Variants in MUC4 observed in about 807,000 individuals in gnomAD.
The protein encoded by MUC4 is mucin 4, cell surface associated.
MUC4 carries 202 observed loss-of-function variants against 257.9 expected under a neutral mutation model. That is an observed-to-expected ratio of 0.78 (90% CI 0.70 to 0.88). MUC4 has a LOEUF of 0.88. Among genes scored for constraint, MUC4 ranks in the 40% least tolerant of loss-of-function variants. The pLI, the probability that MUC4 is intolerant of heterozygous loss-of-function variation, is 0.00. For missense variants in MUC4, 5,976 were observed against 6,513.7 expected (o/e 0.92, Z 2.84); for synonymous variants, 2,351 against 2,757.1 (o/e 0.85, Z 4.62).
rs771914937 is a variant in MUC4 at position 195,751,098 on chromosome 3, G to A, written c.15662C>T (p.Pro5221Leu). The change falls in exon 23 of 25, where the codon CCG becomes CTG. Residue 5221 changes from proline (P) to leucine (L), a missense_variant. Pro to Leu is a moderately conservative substitution (Grantham distance 98). Transcript: ENST00000463781. Reference protein sequence around the residue: ...SQVERIDSAAPASGSPIQHWM... With the variant: ...SQVERIDSAALASGSPIQHWM... The stretch of plus-strand genomic sequence containing the variant: ...GTGTTGGATGGGGCTTCCCGAGGCC[G>A]GTGCTGCAGAATCGCTGTGTGGGAG... 47 of 1,598,354 alleles carry A rather than the reference G, an allele frequency of 2.9e-5. No homozygotes were observed. The highest frequency in any genetic ancestry group is 6.7e-5 in the East Asian group (3 of 44,752).
rs772175757 is a variant in MUC4, at chr3:195,783,992, G to A, written c.7588C>T (p.Pro2530Ser). Residue 2530 changes from proline (P) to serine (S), a missense_variant, in exon 2 of 25, where the codon CCT becomes TCT. By Grantham distance (74) the Pro-to-Ser change is moderately conservative. Around this residue, in one of 44 missense-constraint regions of MUC4, gnomAD observed 135 missense variants for 114.7 expected, o/e 1.18. Transcript: ENST00000463781. ...SASTGDTTPL[P>S]VTNASSLSTR... ...GATAATGAGGAAGCATTGGTGACAG[G>A]AAGAGGGGTGGTGTCACCTGTGGAT... The A allele has an allele frequency of 2.0e-6, 3 of 1,531,126 alleles. No individual in the cohort carries two copies. Among genetic ancestry groups the A allele is most frequent in the Middle Eastern group, 2.1e-4 (1 of 4,658 alleles). The allele number at this position is 1,531,126 out of a possible 1,614,324, so 94.8% of individuals were successfully genotyped here. A position where few individuals can be genotyped will look rare whatever the true frequency, so the allele number is the denominator to read the frequency against.
chr3:195,770,250 T>G lies in MUC4; in HGVS notation c.13364A>C (p.Asn4455Thr). 6.2e-7 allele frequency: 1 copy of G among 1,613,472 alleles called. No individual in the cohort carries two copies. The highest frequency in any genetic ancestry group is 8.5e-7 in the Non-Finnish European group (1 of 1,179,780). Residue 4455 changes from asparagine to threonine, a missense_variant, in exon 6 of 25, where the codon AAT becomes ACT. Transcript: ENST00000463781. Reference sequence around the variant, plus strand: ...CCACTGGGCAGGATAGGCGTGGGCATTGACCCACGTGACCTTTAGGGCCCA... The same window carrying G: ...CCACTGGGCAGGATAGGCGTGGGCAGTGACCCACGTGACCTTTAGGGCCCA... The part of the protein sequence containing the change: ...ARWALKVTWV[N>T]AHAYPAQWTL...
At chr3:195,760,035 A>G (rs995523922) in intron 16 of MUC4, among the ~76,000 whole-genome samples, 2 of 150,968 alleles carry the variant, frequency 1.3e-5, no homozygotes, top group Non-Finnish European at 3.0e-5. Flanking sequence ...GAGCCCTGCC[A>G]TTTCCATTTC....
Position 195,783,667 on chromosome 3 carries a change from G to A in MUC4, c.7913C>T (p.Ala2638Val), listed in dbSNP as rs1235784640. 3 of 379,522 alleles carry A rather than the reference G, an allele frequency of 7.9e-6. 1 individual carries two copies. The highest frequency in any genetic ancestry group is 9.1e-6 in the Non-Finnish European group (2 of 219,460). 23.5% of individuals were successfully genotyped at this position (379,522 alleles called of 1,614,324 possible). Residue 2638 changes from alanine (A) to valine (V), a missense_variant, in exon 2 of 25, where the codon GCC becomes GTC. Ala to Val is a moderately conservative substitution (Grantham distance 64). Around this residue, in one of 44 missense-constraint regions of MUC4, gnomAD observed 75 missense variants for 58.7 expected, o/e 1.28. Transcript: ENST00000463781. ...TSPSSASTGH[A>V]TPLLVTDASS... ...AGCGTCGGTGACAAGAAGAGGAGTG[G>A]CGTGACCTGTGGATGCTGAGGAAGG...
chr3:195,788,493 G>C lies in MUC4; in HGVS notation c.3087C>G (p.Asp1029Glu). 1 of 1,544,544 alleles carries C rather than the reference G, an allele frequency of 6.5e-7. No homozygotes were observed. The highest frequency in any genetic ancestry group is 1.2e-5 in the South Asian group (1 of 83,852). Reference sequence around the variant, plus strand: ...CGTGACCTGTGGATTCTGAGGAAGTGTCGGTGACAGGAAGAGGGGTGGTGT... The same window carrying C: ...CGTGACCTGTGGATTCTGAGGAAGTCTCGGTGACAGGAAGAGGGGTGGTGT... ...TGHTTPLPVT[D>E]TSSESTGHVT... Residue 1029 changes from aspartate (D) to glutamate (E), a missense_variant, in exon 2 of 25, where the codon GAC becomes GAG. Transcript: ENST00000463781.
Position 195,757,233 on chromosome 3 carries a change from G to A in MUC4, c.15082C>T (p.Gln5028Ter). 6.2e-7 allele frequency: 1 copy of A among 1,613,740 alleles called. No individual in the cohort carries two copies. Among genetic ancestry groups the A allele is most frequent in the Non-Finnish European group, 8.5e-7 (1 of 1,179,652 alleles). The change falls in exon 18 of 25, where the codon CAG (glutamine) becomes TAG (stop). Residue 5028 changes from glutamine to a stop codon, truncating the protein, a stop_gained. Coordinates refer to ENST00000463781, the MANE Select transcript of MUC4 (RefSeq NM_018406.7). LOFTEE classifies it high-confidence loss of function. This position sits in a 1 kb window ranked among gnomAD's most constrained non-coding sequence, Gnocchi z 4.8. ...CAATGGCAGACCACAGTCCTGGGCT[G>A]GAGTGCAGATGCCAAGCCAATCTTG... is the stretch of plus-strand genomic sequence containing the variant. ...SAKIGLASAL[Q>*]PRTVVCHCNA...
intron 16 of MUC4, among the ~76,000 whole-genome samples, chr3:195,759,715 T>C (rs1718381813): frequency 6.6e-6 from 1 of 151,850 alleles, no homozygotes; most frequent in Middle Eastern, 3.2e-3. Flanking sequence ...AGGTCAGGAG[T>C]TCGCGACCAG....
chr3:195,751,612 A>C, intron 21 of MUC4: 2 of 394,758 alleles, frequency 5.1e-6, no homozygotes, highest in East Asian at 4.7e-5. Context: ...TGGGTTGTTT[A>C]GACCTAGGAG....
intron 4 of MUC4, among the ~76,000 whole-genome samples, chr3:195,773,898 G>T (rs562346478): frequency 6.6e-6 from 1 of 152,368 alleles, no homozygotes; most frequent in East Asian, 1.9e-4. Context: ...AATCCCAGAA[G>T]GTGGAAACGG....
In MUC4 at chr3:195,791,158, G is replaced by T; in HGVS notation, c.422C>A (p.Thr141Lys). ...TCCAAGAGTGGAGTCTGTGGAGGTT[G>T]TCATTGTTATAGTCTTTGATGTCAT... is the stretch of plus-strand genomic sequence containing the variant. Reference protein sequence around the residue: ...LMMTSKTITMTTSTDSTLGNT... With the variant: ...LMMTSKTITMKTSTDSTLGNT... Residue 141 changes from threonine to lysine, a missense_variant, in exon 2 of 25, where the codon ACA becomes AAA. This residue lies in a region of MUC4 where 1,583 missense variants were observed against 1,257.4 expected (regional missense o/e 1.26). Coordinates refer to ENST00000463781, the MANE Select transcript of MUC4 (RefSeq NM_018406.7). 6.2e-7 allele frequency: 1 copy of T among 1,613,944 alleles called. No homozygotes were observed. The highest frequency in any genetic ancestry group is 8.5e-7 in the Non-Finnish European group (1 of 1,179,894).
At chr3:195,756,234 C>T (rs1717620946) in intron 18 of MUC4, among the ~76,000 whole-genome samples, 1 of 152,172 alleles carries the variant, frequency 6.6e-6, no homozygotes, top group Non-Finnish European at 1.5e-5. Context: ...GAAAAGGTGT[C>T]CTGTGTCTGA....
At chr3:195,756,593 C>T (rs1717693457) in intron 18 of MUC4, among the ~76,000 whole-genome samples, 1 of 146,758 alleles carries the variant, frequency 6.8e-6, no homozygotes, top group African/African-American at 2.5e-5. Flanking sequence ...TTCTCCTTTC[C>T]CTTTCTTTCC....
chr3:195,789,323 C>T lies in MUC4; in HGVS notation c.2257G>A (p.Gly753Arg), dbSNP rs1303853210. ...SVVSTPGGPE[G>R]QWTSASASTS... ...CTGGCAGAGGCTGATGTCCATTGTC[C>T]TTCTGGGCCCCCTGGTGTTGACACT... The change falls in exon 2 of 25, where the codon GGA (glycine) becomes AGA (arginine). Residue 753 changes from glycine (G) to arginine (R), a missense_variant. By Grantham distance (125) the Gly-to-Arg change is moderately radical. Around this residue, in one of 44 missense-constraint regions of MUC4, gnomAD observed 1,583 missense variants for 1,257.4 expected, o/e 1.26. Coordinates refer to ENST00000463781, the MANE Select transcript of MUC4 (RefSeq NM_018406.7). The T allele has an allele frequency of 5.6e-6, 9 of 1,613,806 alleles. No homozygotes were observed. The highest frequency in any genetic ancestry group is 7.6e-6 in the Non-Finnish European group (9 of 1,179,888).
chr3:195,752,345 C>A lies in MUC4; in HGVS notation c.15582+28G>T. On this transcript the variant is annotated intron_variant, in intron 21 of 24. Transcript: ENST00000463781. ...CCTGAACCCGCCAAGCGCCCCCTCC[C>A]ACCCAGAGCGCGGCCTGCAGCACTG... 4 of 1,594,736 alleles carry A rather than the reference C, an allele frequency of 2.5e-6. No individual in the cohort carries two copies. In the South Asian group the frequency reaches 3.3e-5, roughly 13 times the overall value.
Position 195,778,868 on chromosome 3 carries a change from C to G in MUC4, c.12712G>C (p.Ala4238Pro). 8 of 1,509,132 alleles carry G rather than the reference C, an allele frequency of 5.3e-6. No homozygotes were observed. Among genetic ancestry groups the G allele is most frequent in the Non-Finnish European group, 7.0e-6 (8 of 1,143,088 alleles). The allele number at this position is 1,509,132 out of a possible 1,614,324, so 93.5% of individuals were successfully genotyped here. A position where few individuals can be genotyped will look rare whatever the true frequency, so the allele number is the denominator to read the frequency against. ...GCACTGCTGACAGCAAGAGGGGTGG[C>G]GTGACCTGTGGATACTGAGGAAAGG... Reference protein sequence around the residue: ...TSLSSVSTGHATPLAVSSATS... With the variant: ...TSLSSVSTGHPTPLAVSSATS... The change falls in exon 2 of 25, where the codon GCC (alanine) becomes CCC (proline). Residue 4238 changes from alanine to proline, a missense_variant. By Grantham distance (27) the Ala-to-Pro change is conservative (BLOSUM62 -1). This residue lies in a region of MUC4 where 233 missense variants were observed against 171.2 expected (regional missense o/e 1.36). Coordinates refer to ENST00000463781, the MANE Select transcript of MUC4 (RefSeq NM_018406.7).
chr3:195,765,348 A>C lies in MUC4; in HGVS notation c.13720T>G (p.Trp4574Gly). 1 of 1,613,730 alleles carries C rather than the reference A, an allele frequency of 6.2e-7. No individual in the cohort carries two copies. Among genetic ancestry groups the C allele is most frequent in the Non-Finnish European group, 8.5e-7 (1 of 1,180,014 alleles). Residue 4574 changes from tryptophan (W) to glycine (G), a missense_variant, in exon 9 of 25, where the codon TGG (tryptophan) becomes GGG (glycine). Physicochemically the swap from Trp to Gly is radical, Grantham distance 184. Around this residue, in one of 44 missense-constraint regions of MUC4, gnomAD observed 996 missense variants for 1,137.3 expected, o/e 0.88. Coordinates refer to ENST00000463781, the MANE Select transcript of MUC4 (RefSeq NM_018406.7). ...GGGCAGGAGACCTGGTTCCAGCCCC[A>C]GCTGGGCCACCGAGGCTGGCTCTTC... Reference protein sequence around the residue: ...WLKSQPRWPSWGWNQVSCPCS... With the variant: ...WLKSQPRWPSGGWNQVSCPCS...
chr3:195,768,317 C>T (rs1722065454), intron 7 of MUC4, among the ~76,000 whole-genome samples: 1 of 152,220 alleles, frequency 6.6e-6, no homozygotes, highest in African/African-American at 2.4e-5. Flanking sequence ...GGCCTTCGTA[C>T]TGATTGCCAC....
In MUC4 at chr3:195,778,831, G is replaced by T. The variant is rs367783293; in HGVS notation, c.12749C>A (p.Ser4250Tyr). ...CAGAGGGGAGTCCGAGGATACTGTG[G>T]AAGCTGAGGTAGCACTGCTGACAGC... ...PLAVSSATSA[S>Y]TVSSDSPLKM... is the part of the protein sequence containing the mutation. The change falls in exon 2 of 25, where the codon TCC becomes TAC. Residue 4250 changes from serine to tyrosine, a missense_variant. Coordinates refer to ENST00000463781, the MANE Select transcript of MUC4 (RefSeq NM_018406.7). 17 of 1,612,270 alleles carry T rather than the reference G, an allele frequency of 1.1e-5. No homozygotes were observed. Among genetic ancestry groups the T allele is most frequent in the East Asian group, 2.2e-5 (1 of 44,892 alleles).
chr3:195,748,035 C>A (rs1424275503), intron 24 of MUC4, among the ~76,000 whole-genome samples: 1 of 152,322 alleles, frequency 6.6e-6, no homozygotes, highest in East Asian at 1.9e-4. Flanking sequence ...GCGCTCCGCC[C>A]GCCCCCTCCT....
Sources: allele counts gnomAD v4.1 joint callset (sites outside exome capture counted in the v4.1 genomes callset), GRCh38; gene constraint gnomAD v4.1.1; regional missense constraint gnomAD v4.1.1; non-coding constraint Gnocchi (gnomAD v3.1); transcripts MANE v1.5; gene names NCBI Gene and HGNC (gene_info 2026-07-23, HGNC 2026-07-21).